PREX2: variants seen among roughly 807,000 people sequenced by gnomAD.
PREX2 encodes phosphatidylinositol 3,4,5-trisphosphate-dependent Rac exchanger 2 protein.
A neutral mutation model predicts 203.2 loss-of-function variants in PREX2; 107 were observed. The observed-to-expected ratio is 0.53, with a 90% CI of 0.45 to 0.62. PREX2 has a LOEUF of 0.62. Ranked by LOEUF, PREX2 falls within the 20% of genes least tolerant of loss-of-function variation. PREX2 has a pLI of 0.00. For missense variants in PREX2, 1,777 were observed against 1,955.9 expected (o/e 0.91, Z 1.72); for synonymous variants, 672 against 663.6 (o/e 1.01, Z -0.19).
intron 39 of PREX2, among the ~76,000 whole-genome samples, chr8:68,231,036 C>T (rs2129615646): frequency 6.6e-6 from 1 of 152,186 alleles, no homozygotes. Context: ...GGTTTTACCA[C>T]AAGTGTGGTG....
At chr8:68,196,148 ACT>A (rs969147837) in intron 37 of PREX2, among the ~76,000 whole-genome samples, 2 of 151,914 alleles carry the variant, frequency 1.3e-5, no homozygotes, top group Non-Finnish European at 2.9e-5. Flanking sequence ...CCTTGTCTGT[ACT>A]CTGTTCAACT....
chr8:68,187,030 C>CTT (rs35395127), intron 35 of PREX2, among the ~76,000 whole-genome samples: 42 of 145,042 alleles, frequency 2.9e-4, no homozygotes, highest in South Asian at 1.3e-3. Context: ...TCAATGACAA[C>CTT]TTTTTTTTTT....
rs145009085 is a variant in PREX2, at chr8:68,016,761, T to A, written c.142-1085T>A. On this transcript the variant is annotated intron_variant, in intron 1 of 39. Transcript: ENST00000288368. ...CCTCTTAAGTAACTAGGAGTACAGG[T>A]GTGTGCCACCACGCCCAGCAAACTT... is the stretch of plus-strand genomic sequence containing the variant. 9.6e-4 allele frequency among the ~76,000 whole-genome samples: 146 copies of A among 152,182 alleles called. No individual in the cohort carries two copies. In the East Asian group the frequency reaches 0.023, roughly 24 times the overall value.
chr8:67,963,051 A>G lies in PREX2; in HGVS notation c.141+10516A>G, dbSNP rs188922757. 3.3e-5 allele frequency among the ~76,000 whole-genome samples: 5 copies of G among 152,220 alleles called. No individual in the cohort carries two copies. In the East Asian group the frequency reaches 7.7e-4, roughly 23 times the overall value. On this transcript the variant is annotated intron_variant, in intron 1 of 39. Transcript: ENST00000288368. ...CCAGTACCCAATGTTCTTTTCTTCTATAGTGATAAAAGTTTTAGGTCCAGC... is the reference window on the plus strand; with the variant it reads ...CCAGTACCCAATGTTCTTTTCTTCTGTAGTGATAAAAGTTTTAGGTCCAGC...
chr8:68,184,767 G>A (rs34214642), intron 35 of PREX2, among the ~76,000 whole-genome samples: 117 of 152,206 alleles, frequency 7.7e-4, no homozygotes, highest in Middle Eastern at 6.8e-3. Flanking sequence ...GAAAAAGTTT[G>A]CCAGATGAGA....
At chr8:67,971,161 C>T (rs1333488789) in intron 1 of PREX2, among the ~76,000 whole-genome samples, 1 of 151,948 alleles carries the variant, frequency 6.6e-6, no homozygotes, top group East Asian at 1.9e-4. Flanking sequence ...AGTGTGGGAG[C>T]TAGGGGAGAT....
At chr8:68,213,088 C>T (rs1812772206) in intron 37 of PREX2, among the ~76,000 whole-genome samples, 1 of 152,116 alleles carries the variant, frequency 6.6e-6, no homozygotes, top group African/African-American at 2.4e-5. Flanking sequence ...ACTCTGGATG[C>T]CATTTCTACA....
chr8:68,209,041 T>G (rs913458808), intron 37 of PREX2, among the ~76,000 whole-genome samples: 9 of 145,120 alleles, frequency 6.2e-5, no homozygotes, highest in African/African-American at 1.0e-4. Flanking sequence ...CACTCCAGCC[T>G]TAGCGACAGA....
In PREX2 at chr8:68,086,296, G is replaced by A. The variant is rs60889433; in HGVS notation, c.2028-1428G>A. Among the ~76,000 whole-genome samples the A allele has an allele frequency of 4.0e-4, 61 of 152,218 alleles. 1 individual carries two copies. In the East Asian group the frequency reaches 0.011, roughly 27 times the overall value. ...CCTAGGTTATATTTGAGATTGCAGTGCCAGCCTCTCTGCCTTAGGCCTAAA... is the reference window on the plus strand; with the variant it reads ...CCTAGGTTATATTTGAGATTGCAGTACCAGCCTCTCTGCCTTAGGCCTAAA... On this transcript the variant is annotated intron_variant, in intron 18 of 39. Transcript: ENST00000288368.
chr8:68,002,088 TA>T (rs35621636), intron 1 of PREX2, among the ~76,000 whole-genome samples: 13 of 146,606 alleles, frequency 8.9e-5, no homozygotes, highest in Admixed American at 1.4e-4. Context: ...AAAATAAACT[TA>T]AAAAAAAAAG....
intron 30 of PREX2, among the ~76,000 whole-genome samples, chr8:68,124,179 A>C (rs776281830): frequency 2.0e-5 from 3 of 152,120 alleles, no homozygotes; most frequent in Non-Finnish European, 4.4e-5. Context: ...TCATAAAGAT[A>C]TGTGCACACG....
At chr8:68,102,892 A>G (rs1308223343) in intron 23 of PREX2, 3 of 518,124 alleles carry the variant, frequency 5.8e-6, no homozygotes, top group Non-Finnish European at 7.7e-6. Context: ...ATCTTAAGCG[A>G]GATGTTTTTC....
At chr8:68,118,520 T>C in intron 26 of PREX2, 30 bp from the exon 27 acceptor site, 1 of 1,516,548 alleles carries the variant, frequency 6.6e-7, no homozygotes, top group Non-Finnish European at 9.2e-7. Flanking sequence ...AGATGCACTC[T>C]TACAGTAACA....
intron 1 of PREX2, among the ~76,000 whole-genome samples, chr8:68,015,364 A>G (rs1186073461): frequency 6.6e-6 from 1 of 152,214 alleles, no homozygotes; most frequent in Non-Finnish European, 1.5e-5. Flanking sequence ...ATGCTTGGTC[A>G]GAAATGCTAA....
intron 19 of PREX2, among the ~76,000 whole-genome samples, chr8:68,088,970 G>A (rs1203256270): frequency 1.3e-5 from 2 of 152,270 alleles, no homozygotes; most frequent in East Asian, 1.9e-4. Flanking sequence ...TGCTTCTGAA[G>A]AGTAAAAGAC....
At chr8:68,163,657 A>AT (rs1563571237) in intron 35 of PREX2, among the ~76,000 whole-genome samples, 1 of 152,144 alleles carries the variant, frequency 6.6e-6, no homozygotes, top group East Asian at 1.9e-4. Flanking sequence ...GAGCAATTAG[A>AT]TTTTTTTAAA....
intron 35 of PREX2, among the ~76,000 whole-genome samples, chr8:68,179,743 T>C (rs1407972922): frequency 6.6e-6 from 1 of 152,158 alleles, no homozygotes; most frequent in African/African-American, 2.4e-5. Flanking sequence ...CAAAATATAT[T>C]TGTTGAAATA....
chr8:68,134,396 C>CATAG, intron 32 of PREX2, 120 bp downstream of exon 32: 2 of 726,894 alleles, frequency 2.8e-6, no homozygotes, highest in Non-Finnish European at 2.3e-6. Context: ...TGCGTGCATT[C>CATAG]AGCTACTTTA....
At chr8:68,229,171 T>C (rs1036808985) in intron 39 of PREX2, among the ~76,000 whole-genome samples, 1 of 149,054 alleles carries the variant, frequency 6.7e-6, no homozygotes, top group Admixed American at 6.9e-5. Context: ...GCACCATCTA[T>C]AGCATGAAGT....
Sources: gnomAD v4.1 joint callset for allele counts (sites outside exome capture counted in the v4.1 genomes callset) on GRCh38, gnomAD v4.1.1 for gene constraint, MANE v1.5 for transcripts, NCBI Gene and HGNC (gene_info 2026-07-23, HGNC 2026-07-21) for gene names.